Variants in MYO9B observed in about 807,000 individuals in gnomAD.
The protein encoded by MYO9B is unconventional myosin-IXb.
MYO9B carries 71 observed loss-of-function variants against 229.5 expected under a neutral mutation model. The observed-to-expected ratio is 0.31, with a 90% CI of 0.26 to 0.38. The LOEUF (loss-of-function observed/expected upper bound fraction) is 0.38, where lower values mean the gene tolerates loss of function less well. Among genes scored for constraint, MYO9B ranks in the 10% least tolerant of loss-of-function variants. MYO9B has a pLI of 1.00. For missense variants in MYO9B, 2,255 were observed against 2,920.5 expected (o/e 0.77, Z 5.25); for synonymous variants, 1,185 against 1,235.8 (o/e 0.96, Z 0.86).
In MYO9B at chr19:17,101,867, C is replaced by T. The variant is rs769445666; in HGVS notation, c.150C>T (p.Asp50=). The T allele has an allele frequency of 4.2e-5, 67 of 1,612,888 alleles. No individual in the cohort carries two copies. The highest frequency in any genetic ancestry group is 4.1e-4 in the South Asian group (37 of 91,030). ...KDSTTSDVIK[D]AIASLRLDGT... ...GCACCACCTCGGACGTCATCAAGGACGCCATTGCCAGCCTGCGGCTGGACG... is the reference window on the plus strand; with the variant it reads ...GCACCACCTCGGACGTCATCAAGGATGCCATTGCCAGCCTGCGGCTGGACG... The change falls in exon 2 of 40, where the codon GAC becomes GAT. Residue 50 remains aspartate, a synonymous_variant. Transcript: ENST00000682292. This position sits in a 1 kb window ranked among gnomAD's most constrained non-coding sequence, Gnocchi z 4.7.
In MYO9B at chr19:17,200,683, A is replaced by T. The variant is rs748363596; in HGVS notation, c.4417A>T (p.Thr1473Ser). ...TCGCCACGCTGCAGGTGAGAAGCGC[A>T]CCAAGGAACCAGGAGGCAAAGGGAA... ...QHRHAAGEKR[T>S]KEPGGKGKKN... Residue 1473 changes from threonine to serine, a missense_variant, in exon 26 of 40, where the codon ACC (threonine) becomes TCC (serine). Thr to Ser is a moderately conservative substitution (Grantham distance 58, BLOSUM62 1). This residue lies in a region of MYO9B where 679 missense variants were observed against 770.2 expected (regional missense o/e 0.88). Coordinates refer to ENST00000682292, the MANE Select transcript of MYO9B (RefSeq NM_004145.4). 5 of 1,613,900 alleles carry T rather than the reference A, an allele frequency of 3.1e-6. No individual in the cohort carries two copies.
Position 17,172,757 on chromosome 19 carries a change from A to G in MYO9B, c.1936-2A>G. 6.2e-7 allele frequency: 1 copy of G among 1,613,400 alleles called. No individual in the cohort carries two copies. Among genetic ancestry groups the G allele is most frequent in the Non-Finnish European group, 8.5e-7 (1 of 1,179,640 alleles). On this transcript the variant is annotated splice_acceptor_variant, in intron 12 of 39. Coordinates refer to ENST00000682292, the MANE Select transcript of MYO9B (RefSeq NM_004145.4). LOFTEE classifies it high-confidence loss of function. The surrounding 1 kb of genome is among the most constrained non-coding windows in gnomAD (Gnocchi z 8.2). Reference sequence around the variant, plus strand: ...TGACCGCCCACATCCATCCCCCACCAGGACTTCCGGGAGAAGAACATGGAC... The same window carrying G: ...TGACCGCCCACATCCATCCCCCACCGGGACTTCCGGGAGAAGAACATGGAC...
chr19:17,194,473 G>C (rs2073018957), intron 21 of MYO9B, 83 bp from the exon 22 acceptor site: 11 of 1,496,402 alleles, frequency 7.4e-6, no homozygotes, highest in Non-Finnish European at 1.0e-5. Flanking sequence ...GCAGCCCGCA[G>C]GCTGGGGGTC....
chr19:17,135,393 G>A lies in MYO9B; in HGVS notation c.841-10004G>A, dbSNP rs116700656. 1.6e-3 allele frequency among the ~76,000 whole-genome samples: 244 copies of A among 152,030 alleles called. 1 individual carries two copies. Among genetic ancestry groups the A allele is most frequent in the African/African-American group, 4.7e-3 (195 of 41,464 alleles). On this transcript the variant is annotated intron_variant, in intron 2 of 39. Coordinates refer to ENST00000682292, the MANE Select transcript of MYO9B (RefSeq NM_004145.4). ...CCCGGTGCGTGTGCCAGATTATATC[G>A]CATAGTTGTTGACACCGGGGTCCCA... is the stretch of plus-strand genomic sequence containing the variant.
chr19:17,098,623 A>T (rs1004104417), intron 1 of MYO9B, among the ~76,000 whole-genome samples: 2 of 152,150 alleles, frequency 1.3e-5, no homozygotes, highest in African/African-American at 2.4e-5. Flanking sequence ...TTCAGAAGCA[A>T]ATGCACTTTT....
intron 1 of MYO9B, among the ~76,000 whole-genome samples, chr19:17,082,247 G>A (rs1051211982): frequency 6.6e-6 from 1 of 152,350 alleles, no homozygotes; most frequent in South Asian, 2.1e-4. Flanking sequence ...TAACAGCCCA[G>A]TGGGGTCTGT....
At chr19:17,102,593 C>CA in intron 2 of MYO9B, 36 bp downstream of exon 2, 1 of 1,507,862 alleles carries the variant, frequency 6.6e-7, no homozygotes, top group Non-Finnish European at 8.9e-7. Flanking sequence ...TGGGAGGGGG[C>CA]ATTTGTTTGG....
At chr19:17,125,161 C>T (rs374346650) in intron 2 of MYO9B, among the ~76,000 whole-genome samples, 4 of 151,914 alleles carry the variant, frequency 2.6e-5, no homozygotes, top group South Asian at 2.1e-4. Flanking sequence ...CTTAGCCGGG[C>T]GTGGTGGCAC....
chr19:17,183,933 G>C, intron 16 of MYO9B, 65 bp downstream of exon 16: 1 of 1,463,332 alleles, frequency 6.8e-7, no homozygotes, highest in East Asian at 2.4e-5. Flanking sequence ...CCCGTCTTGA[G>C]AGCTTTCACT....
intron 10 of MYO9B, among the ~76,000 whole-genome samples, chr19:17,163,759 C>T (rs189906293): frequency 4.0e-4 from 61 of 152,262 alleles, no homozygotes; most frequent in African/African-American, 1.4e-3. Flanking sequence ...GCTTATTTCG[C>T]ATAGTATAAA....
At chr19:17,187,590 A>C (rs1200368211) in intron 18 of MYO9B, among the ~76,000 whole-genome samples, 1 of 150,384 alleles carries the variant, frequency 6.6e-6, no homozygotes, top group Non-Finnish European at 1.5e-5. Flanking sequence ...TTAAAAAATA[A>C]ATTTAAATGA....
intron 36 of MYO9B, 48 bp from the exon 37 acceptor site, chr19:17,210,283 CTG>C: frequency 6.6e-7 from 1 of 1,523,498 alleles, no homozygotes; most frequent in South Asian, 1.2e-5. Flanking sequence ...CAGCTCATGC[CTG>C]TGTCTGTCTT....
chr19:17,189,458 A>C (rs2072955855), intron 19 of MYO9B, among the ~76,000 whole-genome samples: 1 of 116,874 alleles, frequency 8.6e-6, no homozygotes, highest in Non-Finnish European at 1.7e-5. Flanking sequence ...CAACATGGTG[A>C]AACCCCGTCT....
At chr19:17,147,050 A>C (rs2072419499) in intron 3 of MYO9B, among the ~76,000 whole-genome samples, 2 of 152,152 alleles carry the variant, frequency 1.3e-5, no homozygotes, top group Admixed American at 6.5e-5. Flanking sequence ...GCCCTTGACA[A>C]ATGTCAGGGG....
Position 17,212,811 on chromosome 19 carries a change from G to C in MYO9B, c.*501G>C, listed in dbSNP as rs1207128723. 1 of 153,516 alleles carries C rather than the reference G, an allele frequency of 6.5e-6. No homozygotes were observed. The highest frequency in any genetic ancestry group is 2.4e-5 in the African/African-American group (1 of 41,504). The allele number at this position is 153,516 out of a possible 1,614,324, so 9.5% of individuals were successfully genotyped here. The stretch of plus-strand genomic sequence containing the variant: ...TGGCTTGGGGTGGCCAATGGGCTGG[G>C]ACCCTCCATGAGAGTTTTGGACACT... On this transcript the variant is annotated 3_prime_UTR_variant, in exon 40 of 40. Transcript: ENST00000682292. The surrounding 1 kb of genome is among the most constrained non-coding windows in gnomAD (Gnocchi z 5.4).
rs1290855996 is a variant in MYO9B at position 17,144,077 on chromosome 19, A to C, written c.841-1320A>C. Among the ~76,000 whole-genome samples, 3 of 152,168 alleles carry C rather than the reference A, an allele frequency of 2.0e-5. No homozygotes were observed. The East Asian group carries it at 5.8e-4, about 29-fold the overall frequency. ...AAAACCTTAAAAGTTAAGGCTAGGC[A>C]TGGTGGTGCATGCCTGTGGTCGCAG... On this transcript the variant is annotated intron_variant, in intron 2 of 39. Transcript: ENST00000682292.
chr19:17,206,927 G>A (rs2073168867), intron 34 of MYO9B, 143 bp downstream of exon 34: 1 of 1,219,028 alleles, frequency 8.2e-7, no homozygotes, highest in African/African-American at 1.5e-5. Context: ...TCTGGGAGGG[G>A]GCCAGGCTGC....
rs1263379148 is a variant in MYO9B at position 17,206,075 on chromosome 19, G to C, written c.5180G>C (p.Gly1727Ala). ...CTCCTGGAACACGTGGAGATGCACG[G>C]CCTGTACACCGAGGGCCTCTACCGC... ...EKLLEHVEMH[G>A]LYTEGLYRKS... The change falls in exon 32 of 40, where the codon GGC (glycine) becomes GCC (alanine). Residue 1727 changes from glycine to alanine, a missense_variant. Coordinates refer to ENST00000682292, the MANE Select transcript of MYO9B (RefSeq NM_004145.4). The C allele has an allele frequency of 6.2e-7, 1 of 1,609,862 alleles. No homozygotes were observed. The highest frequency in any genetic ancestry group is 8.5e-7 in the Non-Finnish European group (1 of 1,177,236).
intron 28 of MYO9B, 138 bp from the exon 29 acceptor site, chr19:17,202,704 G>A (rs964797679): frequency 1.7e-4 from 146 of 844,556 alleles, no homozygotes; most frequent in Non-Finnish European, 2.5e-4. Flanking sequence ...GTCTGAATGG[G>A]GGCGTTAGGG....
Sources: allele counts gnomAD v4.1 joint callset (sites outside exome capture counted in the v4.1 genomes callset), GRCh38; gene constraint gnomAD v4.1.1; regional missense constraint gnomAD v4.1.1; non-coding constraint Gnocchi (gnomAD v3.1); transcripts MANE v1.5; gene names NCBI Gene and HGNC (gene_info 2026-07-23, HGNC 2026-07-21).